ZBTB7C: variants seen among roughly 807,000 people sequenced by gnomAD.
The protein encoded by ZBTB7C is zinc finger and BTB domain containing 7C, also known as zinc finger and BTB domain-containing protein 7C.
In ZBTB7C, 8 loss-of-function variants were observed where a neutral mutation model predicts 25.7. The ratio of observed to expected loss-of-function variants is 0.31; its 90% confidence interval spans 0.18 to 0.56. ZBTB7C has a LOEUF of 0.56. Among genes scored for constraint, ZBTB7C ranks in the 20% least tolerant of loss-of-function variants. ZBTB7C has a pLI of 0.91. For missense variants in ZBTB7C, 824 were observed against 855.2 expected, an observed-to-expected ratio of 0.96 and a Z score of 0.46; for synonymous variants, 394 against 369.0, an observed-to-expected ratio of 1.07 and a Z score of -0.78.
chr18:48,410,937 G>T (rs191975594), upstream of ZBTB7C, among the ~76,000 whole-genome samples: 15 of 152,358 alleles, frequency 9.8e-5, no homozygotes, highest in East Asian at 2.9e-3. Context: ...AGGGCAGTGG[G>T]GCTGCTGCTG....
chr18:48,143,531 G>T (rs1444686462), intron 3 of ZBTB7C, among the ~76,000 whole-genome samples: 1 of 152,108 alleles, frequency 6.6e-6, no homozygotes, highest in Non-Finnish European at 1.5e-5. Context: ...CTGAGGTCTG[G>T]CTACATTAGC....
intron 3 of ZBTB7C, among the ~76,000 whole-genome samples, chr18:48,138,164 C>A (rs989932842): frequency 6.6e-6 from 1 of 152,286 alleles, no homozygotes; most frequent in Non-Finnish European, 1.5e-5. Context: ...TGGCCTCTGC[C>A]ACTCTTCTCC....
chr18:48,067,589 G>A (rs977414203), intron 3 of ZBTB7C, among the ~76,000 whole-genome samples: 6 of 152,188 alleles, frequency 3.9e-5, no homozygotes, highest in African/African-American at 1.4e-4. Flanking sequence ...CAGAGGAAGA[G>A]GTAACTCTGT....
At chr18:48,272,677 A>T (rs1325961618) in intron 2 of ZBTB7C, among the ~76,000 whole-genome samples, 1 of 152,252 alleles carries the variant, frequency 6.6e-6, no homozygotes, top group Non-Finnish European at 1.5e-5. Flanking sequence ...GAATGAGAAC[A>T]TCTGCCCTCA....
chr18:48,056,589 G>A (rs1052468764), intron 3 of ZBTB7C, among the ~76,000 whole-genome samples: 3 of 152,070 alleles, frequency 2.0e-5, no homozygotes, highest in Non-Finnish European at 2.9e-5. Flanking sequence ...ATTCATGTAG[G>A]TATGAATTTA....
At chr18:48,213,158 TG>T (rs2042742100) in intron 2 of ZBTB7C, among the ~76,000 whole-genome samples, 1 of 152,260 alleles carries the variant, frequency 6.6e-6, no homozygotes, top group Admixed American at 6.5e-5. Context: ...GGAATGAGGC[TG>T]GTACACTAGA....
At chr18:48,317,151 T>C (rs1159640422) in intron 2 of ZBTB7C, among the ~76,000 whole-genome samples, 1 of 148,176 alleles carries the variant, frequency 6.7e-6, no homozygotes. Context: ...TGGGCGCCTG[T>C]AATCCCAGCT....
intron 3 of ZBTB7C, among the ~76,000 whole-genome samples, chr18:48,066,079 T>A (rs963281728): frequency 6.6e-6 from 1 of 152,210 alleles, no homozygotes; most frequent in African/African-American, 2.4e-5. Context: ...GTATCTGCTC[T>A]CTCCTTCATC....
Position 48,187,820 on chromosome 18 carries a change from CAAA to C in ZBTB7C, c.-78-1828_-78-1826del, listed in dbSNP as rs919402026. Among the ~76,000 whole-genome samples the C allele has an allele frequency of 8.3e-3, 611 of 73,346 alleles. 2 individuals carry two copies. Among genetic ancestry groups the C allele is most frequent in the African/African-American group, 0.015 (294 of 19,488 alleles). 48.1% of individuals were successfully genotyped at this position (73,346 alleles called of 152,430 possible). ...TGGGCAACAGGGCAAGACCCCGTCT[CAAA>C]AAAAAAAAAAAAAAAAAAAGACAGG... is the stretch of plus-strand genomic sequence containing the variant. On this transcript the variant is annotated intron_variant, in intron 2 of 4. Coordinates refer to ENST00000590800, the MANE Select transcript of ZBTB7C (RefSeq NM_001318841.2).
At chr18:48,203,803 C>G (rs1251723555) in intron 2 of ZBTB7C, among the ~76,000 whole-genome samples, 2 of 152,206 alleles carry the variant, frequency 1.3e-5, no homozygotes, top group Non-Finnish European at 2.9e-5. Context: ...AGCCCAGAGC[C>G]TGGCACAAGG....
intron 2 of ZBTB7C, among the ~76,000 whole-genome samples, chr18:48,246,286 C>T (rs931598786): frequency 5.3e-5 from 8 of 151,726 alleles, no homozygotes; most frequent in East Asian, 1.9e-4. Flanking sequence ...AAACGTTAGC[C>T]GGGCGTGGTG....
rs1057115731 is a variant in ZBTB7C, at chr18:48,027,001, A to T, written c.*2259T>A. 6.6e-6 allele frequency: 1 copy of T among 152,056 alleles called. No homozygotes were observed. Among genetic ancestry groups the T allele is most frequent in the Non-Finnish European group, 1.5e-5 (1 of 68,020 alleles). 9.4% of individuals were successfully genotyped at this position (152,056 alleles called of 1,614,324 possible). The stretch of plus-strand genomic sequence containing the variant: ...AGATTGTCCCTTGAATCACTAAGGC[A>T]AACTTTGTTGAGTGTCATTTTACGT... On this transcript the variant is annotated 3_prime_UTR_variant, in exon 5 of 5. Coordinates refer to ENST00000590800, the MANE Select transcript of ZBTB7C (RefSeq NM_001318841.2).
chr18:48,050,578 T>G (rs748416573), intron 3 of ZBTB7C, among the ~76,000 whole-genome samples: 2 of 152,190 alleles, frequency 1.3e-5, no homozygotes, highest in African/African-American at 2.4e-5. Context: ...GCCATCCAGG[T>G]GTTCCCTTAC....
intron 1 of ZBTB7C, among the ~76,000 whole-genome samples, chr18:48,384,712 C>T (rs981217727): frequency 4.6e-5 from 7 of 152,084 alleles, no homozygotes; most frequent in African/African-American, 9.7e-5. Flanking sequence ...GATTGAGTCT[C>T]GCTCTGTCAC....
intron 3 of ZBTB7C, among the ~76,000 whole-genome samples, chr18:48,065,905 A>G (rs1053402459): frequency 1.3e-5 from 2 of 152,082 alleles, no homozygotes; most frequent in African/African-American, 4.8e-5. Flanking sequence ...ATACACCCCC[A>G]TCCCTGGAAT....
At chr18:48,366,150 C>T (rs1276144303) in intron 1 of ZBTB7C, among the ~76,000 whole-genome samples, 3 of 152,198 alleles carry the variant, frequency 2.0e-5, no homozygotes, top group Admixed American at 1.3e-4. Flanking sequence ...CTGCCATCTG[C>T]AATTTGCTGA....
At chr18:48,100,852 G>T (rs1232908397) in intron 3 of ZBTB7C, among the ~76,000 whole-genome samples, 1 of 152,096 alleles carries the variant, frequency 6.6e-6, no homozygotes, top group Admixed American at 6.5e-5. Context: ...GGATGCAGAT[G>T]AGCCTCTCTG....
At position 48,341,475 on chromosome 18, in the gene ZBTB7C, G is replaced by C. The variant is rs377640433; in HGVS notation, c.-303-3077C>G. 2.6e-4 allele frequency among the ~76,000 whole-genome samples: 40 copies of C among 152,376 alleles called. 1 individual carries two copies. The East Asian group carries it at 6.2e-3, about 24-fold the overall frequency. On this transcript the variant is annotated intron_variant, in intron 1 of 4. Coordinates refer to ENST00000590800, the MANE Select transcript of ZBTB7C (RefSeq NM_001318841.2). ...CCCCAGGGAAGACCTGCAGAGGTGT[G>C]ATCTGAGGAGAGCGGACAGGCTCCC...
chr18:48,187,334 A>T (rs1160049620), intron 2 of ZBTB7C, among the ~76,000 whole-genome samples: 10 of 152,248 alleles, frequency 6.6e-5, no homozygotes, highest in Admixed American at 1.3e-4. Flanking sequence ...GAATGGATAA[A>T]CAAATGTGGT....
Sources: allele counts gnomAD v4.1 joint callset (sites outside exome capture counted in the v4.1 genomes callset), GRCh38; gene constraint gnomAD v4.1.1; transcripts MANE v1.5; gene names NCBI Gene and HGNC (gene_info 2026-07-23, HGNC 2026-07-21).